IL1RAPL1: variants seen among roughly 807,000 people sequenced by gnomAD.
IL1RAPL1 encodes interleukin 1 receptor accessory protein like 1.
Under a neutral mutation model 48.4 loss-of-function variants are expected in IL1RAPL1, and 3 were observed. The ratio of observed to expected loss-of-function variants is 0.06; its 90% confidence interval spans 0.03 to 0.16. The LOEUF is 0.16. IL1RAPL1 is among the 10% of genes least tolerant of loss of function. The pLI, the probability that IL1RAPL1 is intolerant of heterozygous loss-of-function variation, is 1.00. For synonymous variants in IL1RAPL1, 185 were observed against 187.7 expected (o/e 0.99, Z 0.12); for missense variants, 349 against 530.6 (o/e 0.66, Z 3.36).
chrX:29,394,133 A>G (rs956625277), intron 3 of IL1RAPL1, among the ~76,000 whole-genome samples: 1 of 109,292 alleles, frequency 9.1e-6, no homozygotes, highest in African/African-American at 3.3e-5. Context: ...TCACTGTTAC[A>G]TTGATTCAGT....
In IL1RAPL1 at chrX:28,761,949, T is replaced by A. The variant is rs183765909; in HGVS notation, c.-24-27371T>A. On this transcript the variant is annotated intron_variant, in intron 1 of 10. Transcript: ENST00000378993. ...GTTACCTTACATCTCTAAACCTGTT[T>A]CGCTATCTATAATATGAGTCTAATA... Among the ~76,000 whole-genome samples the A allele has an allele frequency of 8.9e-4, 99 of 111,773 alleles. No individual in the cohort carries two copies. The Admixed American group carries it at 9.3e-3, about 10-fold the overall frequency.
At chrX:29,924,940 AT>A (rs1344751596) in intron 8 of IL1RAPL1, among the ~76,000 whole-genome samples, 1 of 111,866 alleles carries the variant, frequency 8.9e-6, no homozygotes, top group Non-Finnish European at 1.9e-5. Flanking sequence ...TTTAGGATGC[AT>A]TGTTTTAAAG....
intron 5 of IL1RAPL1, among the ~76,000 whole-genome samples, chrX:29,633,127 T>C: frequency 9.0e-6 from 1 of 111,239 alleles, no homozygotes; most frequent in South Asian, 3.8e-4. Context: ...AACAGTAGAA[T>C]AAATTGTGAT....
intron 1 of IL1RAPL1, among the ~76,000 whole-genome samples, chrX:28,780,854 A>G (rs1936416173): frequency 9.1e-6 from 1 of 110,171 alleles, no homozygotes; most frequent in Non-Finnish European, 1.9e-5. Context: ...TCTATACAGC[A>G]TTATATTATG....
chrX:29,642,827 CCTAA>C (rs759906672), intron 5 of IL1RAPL1, among the ~76,000 whole-genome samples: 1 of 112,285 alleles, frequency 8.9e-6, no homozygotes, highest in Non-Finnish European at 1.9e-5. Context: ...TCCAGTACTG[CCTAA>C]CTAAACTATC....
intron 2 of IL1RAPL1, among the ~76,000 whole-genome samples, chrX:29,087,621 A>G (rs190670945): frequency 2.5e-4 from 28 of 112,663 alleles, no homozygotes; most frequent in African/African-American, 9.0e-4. Context: ...TGAAGCCAAT[A>G]CATCTAGAGA....
chrX:28,741,941 G>A (rs2146953177), intron 1 of IL1RAPL1, among the ~76,000 whole-genome samples: 1 of 111,428 alleles, frequency 9.0e-6, no homozygotes, highest in East Asian at 2.8e-4. Context: ...TACTTCTTAA[G>A]CAGGGGATTT....
At chrX:28,908,932 T>C (rs1228728020) in intron 2 of IL1RAPL1, among the ~76,000 whole-genome samples, 2 of 112,175 alleles carry the variant, frequency 1.8e-5, no homozygotes, top group African/African-American at 6.5e-5. Context: ...TTTTTTGTTA[T>C]GTAGCGTCCT....
intron 1 of IL1RAPL1, among the ~76,000 whole-genome samples, chrX:28,706,709 C>T (rs1416689677): frequency 3.6e-5 from 4 of 111,898 alleles, no homozygotes; most frequent in African/African-American, 1.3e-4. Context: ...CCACTGTACC[C>T]AGCCATTAGG....
chrX:28,911,333 A>C (rs1364410163), intron 2 of IL1RAPL1, among the ~76,000 whole-genome samples: 1 of 111,464 alleles, frequency 9.0e-6, no homozygotes, highest in Non-Finnish European at 1.9e-5. Context: ...TTAATGTTCA[A>C]AGTGAAAAGA....
intron 2 of IL1RAPL1, among the ~76,000 whole-genome samples, chrX:28,894,576 G>C (rs1021591426): frequency 1.8e-5 from 2 of 111,488 alleles, no homozygotes; most frequent in African/African-American, 6.5e-5. Context: ...GAGCCGGGGA[G>C]CAGAAAGTAT....
intron 9 of IL1RAPL1, among the ~76,000 whole-genome samples, chrX:29,954,235 CAAAAAAAAAA>C (rs34345826): frequency 8.2e-4 from 25 of 30,425 alleles, no homozygotes; most frequent in South Asian, 3.4e-3. Flanking sequence ...GACTGTGTCC[CAAAAAAAAAA>C]AAAAAAAAAA....
chrX:28,990,946 A>C (rs886963955), intron 2 of IL1RAPL1, among the ~76,000 whole-genome samples: 5 of 112,064 alleles, frequency 4.5e-5, no homozygotes, highest in African/African-American at 1.6e-4. Flanking sequence ...CAACAATTTA[A>C]ATTTGGAAAA....
At position 29,956,169 on chromosome X, in the gene IL1RAPL1, A is replaced by G. The variant is rs899105294; in HGVS notation, c.*349A>G. 9.0e-6 allele frequency: 2 copies of G among 223,096 alleles called. No homozygotes were observed. The highest frequency in any genetic ancestry group is 6.0e-5 in the African/African-American group (2 of 33,420). 18.4% of individuals were successfully genotyped at this position (223,096 alleles called of 1,213,427 possible). A position where few individuals can be genotyped will look rare whatever the true frequency, so the allele number is the denominator to read the frequency against. On this transcript the variant is annotated 3_prime_UTR_variant, in exon 11 of 11. Transcript: ENST00000378993. ...GGTTTTTATTTTATTTCCTTTTTTA[A>G]AATTTTACTTTGCTTTTAACATTTC...
intron 5 of IL1RAPL1, among the ~76,000 whole-genome samples, chrX:29,413,512 A>AC (rs1934174142): frequency 2.1e-5 from 1 of 47,322 alleles, no homozygotes; most frequent in Non-Finnish European, 3.8e-5. Context: ...CCCTACCCCC[A>AC]CCCCACAACA....
At chrX:28,786,619 C>T (rs1177705168) in intron 1 of IL1RAPL1, among the ~76,000 whole-genome samples, 1 of 111,824 alleles carries the variant, frequency 8.9e-6, no homozygotes, top group Admixed American at 9.5e-5. Flanking sequence ...TTCCAAATCA[C>T]AGTTTATAGG....
intron 1 of IL1RAPL1, among the ~76,000 whole-genome samples, chrX:28,786,334 G>A (rs985883099): frequency 3.6e-5 from 4 of 110,313 alleles, no homozygotes; most frequent in African/African-American, 9.9e-5. Context: ...GTATGGTGGT[G>A]GGCGCCTGTA....
intron 5 of IL1RAPL1, among the ~76,000 whole-genome samples, chrX:29,659,736 T>C (rs1482286407): frequency 2.7e-5 from 3 of 111,789 alleles, no homozygotes; most frequent in African/African-American, 9.8e-5. Context: ...GCGATTCTCC[T>C]ACCTCAGCCT....
intron 5 of IL1RAPL1, among the ~76,000 whole-genome samples, chrX:29,606,668 T>C (rs1433022297): frequency 1.8e-5 from 2 of 112,087 alleles, no homozygotes. Context: ...CTCAACTACA[T>C]GCATTTATTT....
Sources: gnomAD v4.1 joint callset for allele counts (sites outside exome capture counted in the v4.1 genomes callset) on GRCh38, gnomAD v4.1.1 for gene constraint, MANE v1.5 for transcripts, NCBI Gene and HGNC (gene_info 2026-07-23, HGNC 2026-07-21) for gene names.